The following SCN8A variants were observed in gnomAD, a reference collection of about 807,000 sequenced individuals.
The protein encoded by SCN8A is sodium voltage-gated channel alpha subunit 8, also known as sodium channel protein type 8 subunit alpha.
SCN8A carries 30 observed loss-of-function variants against 184.1 expected under a neutral mutation model. The ratio of observed to expected loss-of-function variants is 0.16; its 90% CI spans 0.12 to 0.22. SCN8A has a LOEUF of 0.22. Among genes scored for constraint, SCN8A ranks in the 10% least tolerant of loss-of-function variants. The probability of loss-of-function intolerance (pLI) is 1.00; values close to 1 mark genes in which losing one functional copy is unlikely to be tolerated. For synonymous variants in SCN8A, 852 were observed against 907.0 expected (o/e 0.94, Z 1.09); for missense variants, 1,057 against 2,498.9 (o/e 0.42, Z 12.30).
At chr12:51,780,184 C>A (rs1187561250) in intron 20 of SCN8A, 1 of 455,674 alleles carries the variant, frequency 2.2e-6, no homozygotes, top group Non-Finnish European at 4.4e-6. Flanking sequence ...GTGTATTTAT[C>A]TGTATTCTTT....
At chr12:51,770,733 G>GAGAA in intron 19 of SCN8A, 50 bp downstream of exon 19, 1 of 1,589,962 alleles carries the variant, frequency 6.3e-7, no homozygotes, top group Non-Finnish European at 8.6e-7. Flanking sequence ...GAAGGGTGTA[G>GAGAA]AGAAGCCAGT....
chr12:51,713,855 TAAG>T (rs1392461650), intron 11 of SCN8A, among the ~76,000 whole-genome samples: 2 of 151,636 alleles, frequency 1.3e-5, no homozygotes, highest in African/African-American at 4.8e-5. Context: ...AAATTATAAT[TAAG>T]AAAATTAAAA....
intron 12 of SCN8A, among the ~76,000 whole-genome samples, chr12:51,733,656 TTTAAATGTTGG>T (rs1167659695): frequency 6.6e-6 from 1 of 152,222 alleles, no homozygotes; most frequent in African/African-American, 2.4e-5. Flanking sequence ...TTGGTTCTTC[TTTAAATGTTGG>T]TTAAAACTCA....
chr12:51,663,174 C>T, intron 2 of SCN8A, 81 bp downstream of exon 2: 1 of 1,507,416 alleles, frequency 6.6e-7, no homozygotes, highest in Non-Finnish European at 9.0e-7. Context: ...AACTGTGTCT[C>T]TTTGCCAAAG....
intron 14 of SCN8A, among the ~76,000 whole-genome samples, chr12:51,755,649 A>G (rs1345490988): frequency 6.6e-6 from 1 of 152,102 alleles, no homozygotes; most frequent in African/African-American, 2.4e-5. Flanking sequence ...GAAGAGGTGG[A>G]GATCTGAGAT....
intron 1 of SCN8A, among the ~76,000 whole-genome samples, chr12:51,608,766 A>G (rs1939654294): frequency 6.6e-6 from 1 of 151,292 alleles, no homozygotes; most frequent in African/African-American, 2.4e-5. Context: ...ATTTCCTTTC[A>G]TCTGCTGTAT....
intron 1 of SCN8A, among the ~76,000 whole-genome samples, chr12:51,620,903 A>C (rs973911777): frequency 6.6e-6 from 1 of 151,712 alleles, no homozygotes; most frequent in African/African-American, 2.4e-5. Flanking sequence ...GGGAGGATGG[A>C]TTGAGCCCAG....
chr12:51,687,753 C>G (rs1404745811), intron 5 of SCN8A, among the ~76,000 whole-genome samples: 1 of 152,178 alleles, frequency 6.6e-6, no homozygotes, highest in Non-Finnish European at 1.5e-5. Context: ...TGCTCAAGAT[C>G]AGTGTAACTC....
chr12:51,751,849 G>A (rs567661889), intron 14 of SCN8A, among the ~76,000 whole-genome samples: 7 of 152,260 alleles, frequency 4.6e-5, no homozygotes, highest in African/African-American at 1.7e-4. Flanking sequence ...AGAATGGGAG[G>A]CCTGGTACAG....
intron 11 of SCN8A, among the ~76,000 whole-genome samples, chr12:51,715,839 G>C (rs1050183410): frequency 6.6e-6 from 1 of 152,096 alleles, no homozygotes; most frequent in Non-Finnish European, 1.5e-5. Flanking sequence ...CAGTGACCCC[G>C]TGCAGGTGTG....
Position 51,769,955 on chromosome 12 carries a change from T to C in SCN8A, c.3460T>C (p.Tyr1154His). ...GGTCCCTGTGGAACAGCCTGAGGAA[T>C]ACTTGGATCCAGATGCCTGCTTCAC... ...EEVPVEQPEE[Y>H]LDPDACFTEG... Residue 1154 changes from tyrosine to histidine, a missense_variant, in exon 18 of 27, where the codon TAC (tyrosine) becomes CAC (histidine). Coordinates refer to ENST00000627620, the MANE Select transcript of SCN8A (RefSeq NM_001330260.2). 6.2e-7 allele frequency: 1 copy of C among 1,604,952 alleles called. No individual in the cohort carries two copies. The highest frequency in any genetic ancestry group is 8.5e-7 in the Non-Finnish European group (1 of 1,175,776).
intron 2 of SCN8A, among the ~76,000 whole-genome samples, chr12:51,678,389 C>T (rs1419988604): frequency 6.6e-6 from 1 of 152,208 alleles, no homozygotes; most frequent in African/African-American, 2.4e-5. Flanking sequence ...CAAGAGAGTT[C>T]TACAAGGATA....
At chr12:51,774,419 T>A in intron 20 of SCN8A, 57 bp downstream of exon 20, 9 of 1,495,088 alleles carry the variant, frequency 6.0e-6, no homozygotes, top group Non-Finnish European at 7.2e-6. Context: ...GAAACAGGGG[T>A]CTCTCTTTTT....
intron 6 of SCN8A, among the ~76,000 whole-genome samples, chr12:51,691,818 A>G (rs914267888): frequency 1.3e-5 from 2 of 152,226 alleles, no homozygotes; most frequent in East Asian, 3.8e-4. Context: ...GAAATCCAGT[A>G]ATGAAGTTTC....
intron 1 of SCN8A, among the ~76,000 whole-genome samples, chr12:51,648,024 C>T (rs938306770): frequency 5.3e-5 from 7 of 131,998 alleles, no homozygotes; most frequent in African/African-American, 1.5e-4. Context: ...AAGATGGTGG[C>T]GTGAGGTGTG....
At position 51,762,598 on chromosome 12, in the gene SCN8A, A is replaced by T. The variant is rs1303160999; in HGVS notation, c.2466A>T (p.Gly822=). Residue 822 remains glycine (G), a synonymous_variant, in exon 15 of 27, where the codon GGA becomes GGT. Transcript: ENST00000627620. ...AAGAAGGTTGGAACATTTTTGACGG[A>T]TTTATTGTCTCCCTCAGTTTAATGG... is the stretch of plus-strand genomic sequence containing the variant. ...YFQEGWNIFD[G]FIVSLSLMEL... The T allele has an allele frequency of 6.2e-7, 1 of 1,613,336 alleles. No homozygotes were observed. Among genetic ancestry groups the T allele is most frequent in the Non-Finnish European group, 8.5e-7 (1 of 1,179,726 alleles).
chr12:51,621,979 A>G (rs3741707), intron 1 of SCN8A, among the ~76,000 whole-genome samples: 35,821 of 152,104 alleles, frequency 0.24, 5,733 homozygotes, highest in African/African-American at 0.43. Flanking sequence ...TCATTACAGG[A>G]GACTCAGTTC....
chr12:51,768,304 C>T (rs992842476), intron 16 of SCN8A: 1 of 152,120 alleles, frequency 6.6e-6, no homozygotes, highest in Non-Finnish European at 1.5e-5. Context: ...TAAAAGTCAC[C>T]ATCACTGTCT....
Position 51,806,213 on chromosome 12 carries a change from G to C in SCN8A, c.4796-69G>C, listed in dbSNP as rs1938698084. 7.1e-7 allele frequency: 1 copy of C among 1,415,048 alleles called. No homozygotes were observed. The highest frequency in any genetic ancestry group is 2.4e-5 in the Admixed American group (1 of 41,810). The allele number at this position is 1,415,048 out of a possible 1,614,324, so 87.7% of individuals were successfully genotyped here. A position where few individuals can be genotyped will look rare whatever the true frequency, so the allele number is the denominator to read the frequency against. On this transcript the variant is annotated intron_variant, in intron 26 of 26. Transcript: ENST00000627620. The surrounding 1 kb of genome is among the most constrained non-coding windows in gnomAD (Gnocchi z 8.7). ...TGAACCTAAGGGTTCCACAATGCCA[G>C]GTAAAAAAAATAAAGAGAAAGGGTG...
Sources: gnomAD v4.1 joint callset for allele counts (sites outside exome capture counted in the v4.1 genomes callset) on GRCh38, gnomAD v4.1.1 for gene constraint, Gnocchi (gnomAD v3.1) non-coding constraint, MANE v1.5 for transcripts, NCBI Gene and HGNC (gene_info 2026-07-23, HGNC 2026-07-21) for gene names.